The following CSMD3 variants were observed in gnomAD, a reference collection of about 807,000 sequenced individuals.
CSMD3 encodes the protein CUB and sushi domain-containing protein 3.
Under a neutral mutation model 435.2 loss-of-function variants are expected in CSMD3, and 177 were observed. The ratio of observed to expected loss-of-function variants is 0.41; its 90% CI spans 0.36 to 0.46. The LOEUF (loss-of-function observed/expected upper bound fraction) is 0.46, where lower values mean the gene tolerates loss of function less well. Ranked by LOEUF, CSMD3 falls within the 20% of genes least tolerant of loss-of-function variation. The pLI is 0.34. For synonymous variants in CSMD3, 1,656 were observed against 1,520.5 expected, an observed-to-expected ratio of 1.09 and a Z score of -2.07; for missense variants, 4,265 against 4,504.6, an observed-to-expected ratio of 0.95 and a Z score of 1.52.
At chr8:112,651,391 T>A (rs1229851651) in intron 18 of CSMD3, among the ~76,000 whole-genome samples, 1 of 152,172 alleles carries the variant, frequency 6.6e-6, no homozygotes, top group African/African-American at 2.4e-5. Context: ...ATTTTAAGTG[T>A]ATTTATCAAG....
At chr8:112,956,679 T>C (rs1400793901) in intron 7 of CSMD3, among the ~76,000 whole-genome samples, 1 of 152,138 alleles carries the variant, frequency 6.6e-6, no homozygotes, top group Non-Finnish European at 1.5e-5. Flanking sequence ...TTCAATGTTG[T>C]AAATAATAAG....
At position 112,292,559 on chromosome 8, in the gene CSMD3, G is replaced by A. The variant is rs1418946120; in HGVS notation, c.8766C>T (p.Ser2922=). 1 of 1,613,598 alleles carries A rather than the reference G, an allele frequency of 6.2e-7. No individual in the cohort carries two copies. The highest frequency in any genetic ancestry group is 2.2e-5 in the East Asian group (1 of 44,870). ...TACCTTTGCACATAGGTGGAGGATG[G>A]CTCCACTGTCTGTTGGCCTGGCACT... ...KAQCQANRQW[S]HPPPMCKVVN... The change falls in exon 55 of 71, where the codon AGC becomes AGT. Residue 2922 remains serine (S), a synonymous_variant. Transcript: ENST00000297405.
chr8:112,699,198 C>A (rs549843564), intron 13 of CSMD3, among the ~76,000 whole-genome samples: 1 of 152,234 alleles, frequency 6.6e-6, no homozygotes, highest in Admixed American at 6.5e-5. Context: ...TCTTCGGGTC[C>A]GCAGTACCTT....
intron 13 of CSMD3, among the ~76,000 whole-genome samples, chr8:112,762,566 T>TA (rs1202535643): frequency 6.6e-6 from 1 of 151,960 alleles, no homozygotes; most frequent in Non-Finnish European, 1.5e-5. Flanking sequence ...GGGCAGATTG[T>TA]AAAAAATACA....
chr8:112,911,639 ATATGTGTGTG>A (rs1377653708), intron 10 of CSMD3, among the ~76,000 whole-genome samples: 10 of 42,276 alleles, frequency 2.4e-4, no homozygotes, highest in African/African-American at 1.0e-3. Flanking sequence ...GTGTACATAT[ATATGTGTGTG>A]TGTGTGTGTG....
At chr8:112,408,192 AG>A in intron 34 of CSMD3, 125 bp downstream of exon 34, 1 of 717,054 alleles carries the variant, frequency 1.4e-6, no homozygotes, top group South Asian at 1.5e-5. Context: ...GTGATGGTGG[AG>A]GGGACAAAAT....
chr8:112,276,791 T>C (rs1486389288), intron 59 of CSMD3, among the ~76,000 whole-genome samples: 1 of 152,120 alleles, frequency 6.6e-6, no homozygotes, highest in African/African-American at 2.4e-5. Flanking sequence ...AAACCTCAAT[T>C]CTTGACTTCT....
At chr8:112,523,893 C>T (rs1404061448) in intron 27 of CSMD3, among the ~76,000 whole-genome samples, 1 of 152,050 alleles carries the variant, frequency 6.6e-6, no homozygotes, top group African/African-American at 2.4e-5. Flanking sequence ...TTGATGGCAG[C>T]ATGACAGACA....
chr8:113,333,997 A>C (rs2132791647), intron 1 of CSMD3, among the ~76,000 whole-genome samples: 1 of 151,978 alleles, frequency 6.6e-6, no homozygotes, highest in Admixed American at 6.6e-5. Flanking sequence ...ATGACTTGTT[A>C]AATTTAATCC....
intron 10 of CSMD3, among the ~76,000 whole-genome samples, chr8:112,893,786 G>C (rs2081870256): frequency 6.6e-6 from 1 of 151,440 alleles, no homozygotes; most frequent in South Asian, 2.1e-4. Context: ...GCAAGAACCT[G>C]ATGGTAATTA....
At chr8:112,293,682 T>C (rs918361562) in intron 54 of CSMD3, among the ~76,000 whole-genome samples, 1 of 152,134 alleles carries the variant, frequency 6.6e-6, no homozygotes, top group East Asian at 1.9e-4. Context: ...AAATTTTACA[T>C]AGTGCTGGCT....
At chr8:112,381,814 A>T (rs929461213) in intron 37 of CSMD3, among the ~76,000 whole-genome samples, 24 of 152,190 alleles carry the variant, frequency 1.6e-4, no homozygotes, top group South Asian at 4.1e-4. Context: ...CATTAGTTGT[A>T]CAACCTCAGG....
At chr8:113,163,094 C>T (rs1253088536) in intron 4 of CSMD3, among the ~76,000 whole-genome samples, 1 of 151,986 alleles carries the variant, frequency 6.6e-6, no homozygotes, top group Non-Finnish European at 1.5e-5. Flanking sequence ...TAAAATAATA[C>T]AAATATAATA....
chr8:113,041,206 A>T (rs2087595932), intron 5 of CSMD3, among the ~76,000 whole-genome samples: 2 of 107,438 alleles, frequency 1.9e-5, no homozygotes. Flanking sequence ...ACTCCGTCTT[A>T]AAAAAAAAAA....
intron 4 of CSMD3, among the ~76,000 whole-genome samples, chr8:113,104,949 T>C (rs571946815): frequency 6.6e-6 from 1 of 152,036 alleles, no homozygotes. Flanking sequence ...CAAAGAGACA[T>C]GTTGAGAAAA....
chr8:112,361,600 T>C (rs1461834148), intron 38 of CSMD3, among the ~76,000 whole-genome samples: 46 of 131,898 alleles, frequency 3.5e-4, no homozygotes, highest in African/African-American at 1.2e-3. Context: ...TATATATATA[T>C]ATATATATAT....
intron 70 of CSMD3, 83 bp downstream of exon 70, chr8:112,228,673 A>G: frequency 7.0e-7 from 1 of 1,419,200 alleles, no homozygotes; most frequent in South Asian, 1.2e-5. Flanking sequence ...AAAATTTGAA[A>G]TTAAGATTTG....
At chr8:112,818,597 T>C (rs16884132) in intron 12 of CSMD3, among the ~76,000 whole-genome samples, 1,986 of 152,314 alleles carry the variant, frequency 0.013, 50 homozygotes, top group African/African-American at 0.046. Context: ...GGTTTTAAAA[T>C]ACATTTTTGA....
intron 11 of CSMD3, among the ~76,000 whole-genome samples, chr8:112,846,363 T>C (rs993222379): frequency 6.8e-6 from 1 of 147,862 alleles, no homozygotes; most frequent in Non-Finnish European, 1.5e-5. Flanking sequence ...CCTCCCTTCC[T>C]TCCTTCCCTC....
Sources: gnomAD v4.1 joint callset for allele counts (sites outside exome capture counted in the v4.1 genomes callset) on GRCh38, gnomAD v4.1.1 for gene constraint, MANE v1.5 for transcripts, NCBI Gene and HGNC (gene_info 2026-07-23, HGNC 2026-07-21) for gene names.